Variants in NCALD observed in about 807,000 individuals in gnomAD.
The protein encoded by NCALD is neurocalcin delta, also known as neurocalcin-delta.
In NCALD, 10 loss-of-function variants were observed where a neutral mutation model predicts 18.6. The ratio of observed to expected loss-of-function variants is 0.54; its 90% CI spans 0.33 to 0.91. The LOEUF (loss-of-function observed/expected upper bound fraction) is 0.91. Ranked by LOEUF, NCALD falls within the 40% of genes least tolerant of loss-of-function variation. The pLI is 0.03. For synonymous variants in NCALD, 88 were observed against 87.4 expected, an observed-to-expected ratio of 1.01 and a Z score of -0.04; for missense variants, 184 against 247.6, an observed-to-expected ratio of 0.74 and a Z score of 1.72.
chr8:102,107,236 A>G (rs1825494451), intron 1 of NCALD, among the ~76,000 whole-genome samples: 1 of 132,084 alleles, frequency 7.6e-6, no homozygotes, highest in African/African-American at 2.9e-5. Context: ...ATATATATAT[A>G]TATACACATA....
At chr8:101,958,801 A>G (rs1025231061) in intron 2 of NCALD, among the ~76,000 whole-genome samples, 2 of 152,176 alleles carry the variant, frequency 1.3e-5, no homozygotes, top group East Asian at 1.9e-4. Context: ...ACTGGACAGT[A>G]TATGAATGAT....
At chr8:102,122,420 T>C (rs1178146459) in intron 1 of NCALD, among the ~76,000 whole-genome samples, 1 of 152,178 alleles carries the variant, frequency 6.6e-6, no homozygotes, top group African/African-American at 2.4e-5. Context: ...GTCCACAGTT[T>C]GGAGAATGGA....
chr8:101,835,271 T>C (rs1315252379), intron 4 of NCALD, among the ~76,000 whole-genome samples: 2 of 152,238 alleles, frequency 1.3e-5, no homozygotes, highest in Admixed American at 6.5e-5. Flanking sequence ...GGCCCTTCCA[T>C]CATATGGCTC....
intron 4 of NCALD, among the ~76,000 whole-genome samples, chr8:101,871,583 C>CTTT (rs3056946): frequency 1.6e-4 from 22 of 138,892 alleles, no homozygotes; most frequent in African/African-American, 3.6e-4. Context: ...TTCAGATTTT[C>CTTT]TTTTTTTTTT....
intron 1 of NCALD, among the ~76,000 whole-genome samples, chr8:101,747,383 G>A (rs897240026): frequency 1.3e-4 from 20 of 152,162 alleles, no homozygotes; most frequent in African/African-American, 4.1e-4. Flanking sequence ...GCCTTTTCCC[G>A]CAGTTTGATG....
intron 4 of NCALD, among the ~76,000 whole-genome samples, chr8:101,829,245 G>A (rs1563807123): frequency 6.6e-6 from 1 of 152,066 alleles, no homozygotes; most frequent in Non-Finnish European, 1.5e-5. Flanking sequence ...TTTTCTGAGA[G>A]AAAAATGAAT....
chr8:101,749,553 C>G (rs899833063), intron 1 of NCALD, among the ~76,000 whole-genome samples: 3 of 152,056 alleles, frequency 2.0e-5, no homozygotes, highest in African/African-American at 7.2e-5. Flanking sequence ...ACTCTTGGAG[C>G]CTCAGTAATC....
At chr8:102,069,048 G>A (rs747571567) in intron 1 of NCALD, among the ~76,000 whole-genome samples, 4 of 152,174 alleles carry the variant, frequency 2.6e-5, no homozygotes, top group African/African-American at 4.8e-5. Context: ...GAGGATGGGA[G>A]AATGGGGAGA....
At chr8:101,980,058 G>A (rs568308944) in intron 2 of NCALD, among the ~76,000 whole-genome samples, 1 of 152,272 alleles carries the variant, frequency 6.6e-6, no homozygotes, top group Non-Finnish European at 1.5e-5. Context: ...CAAAATGGGG[G>A]TGGGGGCAGG....
At chr8:101,958,364 T>C (rs1819712332) in intron 2 of NCALD, among the ~76,000 whole-genome samples, 1 of 152,022 alleles carries the variant, frequency 6.6e-6, no homozygotes, top group Non-Finnish European at 1.5e-5. Flanking sequence ...CTTGTAGGAA[T>C]TTACTCGTAC....
intron 1 of NCALD, among the ~76,000 whole-genome samples, chr8:101,783,272 A>G (rs1490962448): frequency 1.3e-5 from 2 of 152,320 alleles, no homozygotes; most frequent in Admixed American, 1.3e-4. Context: ...GAGTTGGGGC[A>G]TTGATTTCTC....
intron 1 of NCALD, among the ~76,000 whole-genome samples, chr8:102,113,496 T>C (rs1825696220): frequency 1.3e-5 from 2 of 152,264 alleles, no homozygotes; most frequent in South Asian, 2.1e-4. Flanking sequence ...TTTTTGCCTA[T>C]GTTTTTCAAA....
intron 1 of NCALD, among the ~76,000 whole-genome samples, chr8:101,754,369 G>A (rs2387616): frequency 0.62 from 93,602 of 151,970 alleles, 31,564 homozygotes; most frequent in Non-Finnish European, 0.75. Context: ...ATAACAAGAT[G>A]TCATAAACTG....
At chr8:102,005,771 G>A (rs1290444762) in intron 2 of NCALD, among the ~76,000 whole-genome samples, 3 of 150,444 alleles carry the variant, frequency 2.0e-5, no homozygotes, top group East Asian at 2.0e-4. Context: ...GCAAACTATC[G>A]CAAGGACAAA....
In NCALD at chr8:102,108,324, G is replaced by C. The variant is rs142632807; in HGVS notation, c.-210+15913C>G. ...TTTTAGATCCTGGTTGACCAGTCGAGTAACCTAAATGCCCAAAGGAAGAGA... is the reference window on the plus strand; with the variant it reads ...TTTTAGATCCTGGTTGACCAGTCGACTAACCTAAATGCCCAAAGGAAGAGA... On this transcript the variant is annotated intron_variant, in intron 1 of 6. Transcript: ENST00000311028. Among the ~76,000 whole-genome samples the C allele has an allele frequency of 8.5e-5, 13 of 152,330 alleles. No individual in the cohort carries two copies. The East Asian group carries it at 2.5e-3, about 29-fold the overall frequency.
rs1435183711 is a variant in NCALD at position 101,819,290 on chromosome 8, T to G, written c.-20+67851A>C. ...TTATTTATTTATTTATTTATTTATT[T>G]ATTTATTTATTTATTGTTCTTAGTT... On this transcript the variant is annotated intron_variant, in intron 4 of 6. Coordinates refer to the NCALD transcript ENST00000311028. 3.3e-5 allele frequency among the ~76,000 whole-genome samples: 5 copies of G among 150,982 alleles called. No individual in the cohort carries two copies. In the East Asian group the frequency reaches 9.7e-4, roughly 29 times the overall value.
intron 4 of NCALD, among the ~76,000 whole-genome samples, chr8:101,863,491 T>A (rs1815630528): frequency 6.6e-6 from 1 of 152,082 alleles, no homozygotes. Flanking sequence ...GCTTCCTCTA[T>A]CATCAACTGC....
rs543150388 is a variant in NCALD at position 101,885,733 on chromosome 8, C to A, written c.-20+1408G>T. ...AACACAGAGAAGGACCCAGGTGCTG[C>A]AGGAGGGACAGAAATGACTAGAAGC... On this transcript the variant is annotated intron_variant, in intron 4 of 6. Transcript: ENST00000311028. 4.6e-5 allele frequency among the ~76,000 whole-genome samples: 7 copies of A among 152,304 alleles called. No individual in the cohort carries two copies. In the South Asian group the frequency reaches 1.5e-3, roughly 32 times the overall value.
At position 101,872,521 on chromosome 8, in the gene NCALD, C is replaced by T. The variant is rs1816061709; in HGVS notation, c.-20+14620G>A. The T allele has an allele frequency of 2.1e-5, 15 of 717,124 alleles. No individual in the cohort carries two copies. In the South Asian group the frequency reaches 2.1e-4, roughly 10 times the overall value. The allele number at this position is 717,124 out of a possible 1,614,324, so 44.4% of individuals were successfully genotyped here. A position where few individuals can be genotyped will look rare whatever the true frequency, so the allele number is the denominator to read the frequency against. On this transcript the variant is annotated intron_variant, in intron 4 of 6. Coordinates refer to the NCALD transcript ENST00000311028. Reference sequence around the variant, plus strand: ...GCCCTTCTTGTCTAAGATGTCATTCCACTCAGTGTCTGTGTTGGGGTCCTG... The same window carrying T: ...GCCCTTCTTGTCTAAGATGTCATTCTACTCAGTGTCTGTGTTGGGGTCCTG...
Sources: gnomAD v4.1 joint callset for allele counts (sites outside exome capture counted in the v4.1 genomes callset) on GRCh38, gnomAD v4.1.1 for gene constraint, MANE v1.5 for transcripts, NCBI Gene and HGNC (gene_info 2026-07-23, HGNC 2026-07-21) for gene names.